The following SLC46A2 variants were observed in gnomAD, a reference collection of about 807,000 sequenced individuals.
SLC46A2 encodes solute carrier family 46 member 2, also known as thymic stromal co-transporter.
In SLC46A2, 25 loss-of-function variants were observed where a neutral mutation model predicts 33.1. The ratio of observed to expected loss-of-function variants is 0.76; its 90% CI spans 0.55 to 1.06. SLC46A2 has a LOEUF of 1.06. Among genes scored for constraint, SLC46A2 ranks in the 50% least tolerant of loss-of-function variants. The pLI is 0.00. For synonymous variants in SLC46A2, 254 were observed against 275.9 expected, an observed-to-expected ratio of 0.92 and a Z score of 0.79; for missense variants, 622 against 621.7, an observed-to-expected ratio of 1.00 and a Z score of 0.00.
intron 2 of SLC46A2, among the ~76,000 whole-genome samples, chr9:112,886,897 A>G (rs1564305323): frequency 6.6e-6 from 1 of 151,746 alleles, no homozygotes. Flanking sequence ...GCTAATTTTT[A>G]ATTTTTTTTG....
intron 1 of SLC46A2, 71 bp from the exon 2 acceptor site, chr9:112,887,484 C>G: frequency 7.2e-7 from 1 of 1,395,796 alleles, no homozygotes. Context: ...TATCAAAAGC[C>G]TCTCTTAGAA....
chr9:112,885,571 A>G (rs1056647401), intron 3 of SLC46A2: 2 of 152,004 alleles, frequency 1.3e-5, no homozygotes, highest in African/African-American at 4.8e-5. Context: ...GGGAACCTCA[A>G]CCCACATGTG....
intron 1 of SLC46A2, among the ~76,000 whole-genome samples, chr9:112,889,267 C>T (rs2131547862): frequency 6.6e-6 from 1 of 152,256 alleles, no homozygotes; most frequent in South Asian, 2.1e-4. Flanking sequence ...TGAAGGCCAT[C>T]CTGAAGCCTC....
Position 112,890,531 on chromosome 9 carries a change from C to T in SLC46A2, c.151G>A (p.Gly51Arg), listed in dbSNP as rs762735126. 9.3e-5 allele frequency: 150 copies of T among 1,613,894 alleles called. No homozygotes were observed. Among genetic ancestry groups the T allele is most frequent in the Non-Finnish European group, 1.2e-4 (143 of 1,180,020 alleles). ...LLVVKASYGTGGSSNHSASPS... is the reference protein window; with the variant it reads ...LLVVKASYGTRGSSNHSASPS... ...CTGGCACTGTGGTTGGAGGAGCCTCCGGTTCCGTAGGACGCCTTCACCACG... is the reference window on the plus strand; with the variant it reads ...CTGGCACTGTGGTTGGAGGAGCCTCTGGTTCCGTAGGACGCCTTCACCACG... Residue 51 changes from glycine (G) to arginine (R), a missense_variant, in exon 1 of 4, where the codon GGA becomes AGA. Coordinates refer to ENST00000374228, the MANE Select transcript of SLC46A2 (RefSeq NM_033051.4). The surrounding 1 kb of genome is among the most constrained non-coding windows in gnomAD (Gnocchi z 6.0).
Position 112,886,602 on chromosome 9 carries a change from T to C in SLC46A2, c.1228A>G (p.Ile410Val). The C allele has an allele frequency of 6.2e-7, 1 of 1,614,036 alleles. No homozygotes were observed. The highest frequency in any genetic ancestry group is 8.5e-7 in the Non-Finnish European group (1 of 1,179,930). ...KGSSYGKVFV[I>V]LQLSLALTGV... ...GTCAGAGCCAAGGACAGCTGCAGTA[T>C]GACGAACACCTTTCCTGTGGAAGGG... The change falls in exon 3 of 4, where the codon ATA (isoleucine) becomes GTA (valine). Residue 410 changes from isoleucine (I) to valine (V), a missense_variant. Coordinates refer to ENST00000374228, the MANE Select transcript of SLC46A2 (RefSeq NM_033051.4).
At chr9:112,885,142 T>TTAACATA (rs1297249901) in intron 3 of SLC46A2, 15 of 152,208 alleles carry the variant, frequency 9.9e-5, no homozygotes, top group African/African-American at 3.6e-4. Context: ...CTTCCTATCT[T>TTAACATA]ATTTTTCTCA....
chr9:112,887,207 C>G (rs1427448194), intron 2 of SLC46A2, 123 bp downstream of exon 2: 1 of 822,014 alleles, frequency 1.2e-6, no homozygotes, highest in Non-Finnish European at 1.9e-6. Context: ...ACCAGTGTTT[C>G]TAGTGTCTTC....
In SLC46A2 at chr9:112,889,804, TATATG is replaced by T. The variant is rs1428590755; in HGVS notation, c.873_877del (p.Ile292Ter). 2.0e-5 allele frequency: 33 copies of T among 1,614,048 alleles called. No individual in the cohort carries two copies. Among genetic ancestry groups the T allele is most frequent in the African/African-American group, 2.7e-5 (2 of 74,912 alleles). ...CACTGTGCCCACCACCGCCAGGTCA[TATATG>T]ATAGCACCCACAAAGAGCAAGGCAA... On this transcript the variant is annotated frameshift_variant, in exon 1 of 4. Coordinates refer to ENST00000374228, the MANE Select transcript of SLC46A2 (RefSeq NM_033051.4). LOFTEE classifies it high-confidence loss of function.
At chr9:112,882,176 T>C (rs1841585544) in intron 3 of SLC46A2, among the ~76,000 whole-genome samples, 1 of 152,204 alleles carries the variant, frequency 6.6e-6, no homozygotes, top group Non-Finnish European at 1.5e-5. Flanking sequence ...TCATGATCTT[T>C]GCTCATTGCA....
Position 112,887,384 on chromosome 9 carries a change from G to T in SLC46A2, c.1159C>A (p.Pro387Thr). Residue 387 changes from proline (P) to threonine (T), a missense_variant, in exon 2 of 4, where the codon CCC (proline) becomes ACC (threonine). By Grantham distance (38) the Pro-to-Thr change is conservative. Transcript: ENST00000374228. ...ATAGCTGATCGGATGGTTGTGACGG[G>T]GATGAGAGCAAACAGCATGACGGCT... ...ARAVMLFALI[P>T]VTTIRSAMSK... 6.2e-7 allele frequency: 1 copy of T among 1,611,540 alleles called. No individual in the cohort carries two copies. The highest frequency in any genetic ancestry group is 8.5e-7 in the Non-Finnish European group (1 of 1,178,952).
Position 112,889,728 on chromosome 9 carries a change from C to T in SLC46A2, c.954G>A (p.Val318=), listed in dbSNP as rs200558726. 67 of 1,614,146 alleles carry T rather than the reference C, an allele frequency of 4.2e-5. No individual in the cohort carries two copies. The highest frequency in any genetic ancestry group is 8.9e-5 in the East Asian group (4 of 44,872). ...VLREPLGWNQ[V]QVGYGMAAGY... The stretch of plus-strand genomic sequence containing the variant: ...CTGCAGCCATACCATAGCCCACCTG[C>T]ACTTGGTTCCAACCGAGAGGCTCCC... Residue 318 remains valine (V), a synonymous_variant, in exon 1 of 4, where the codon GTG becomes GTA. Coordinates refer to ENST00000374228, the MANE Select transcript of SLC46A2 (RefSeq NM_033051.4).
At position 112,879,323 on chromosome 9, in the gene SLC46A2, C is replaced by T; in HGVS notation, c.*439G>A. 6.3e-6 allele frequency: 1 copy of T among 158,804 alleles called. No individual in the cohort carries two copies. Among genetic ancestry groups the T allele is most frequent in the Non-Finnish European group, 1.4e-5 (1 of 72,572 alleles). The allele number at this position is 158,804 out of a possible 1,614,324, so 9.8% of individuals were successfully genotyped here. A position where few individuals can be genotyped will look rare whatever the true frequency, so the allele number is the denominator to read the frequency against. The stretch of plus-strand genomic sequence containing the variant: ...ACATTCCCCTCAGGCTGTGATAATG[C>T]ACGCTTTGAGTTCTCCCATGGGACT... On this transcript the variant is annotated 3_prime_UTR_variant, in exon 4 of 4. Coordinates refer to ENST00000374228, the MANE Select transcript of SLC46A2 (RefSeq NM_033051.4).
At position 112,886,554 on chromosome 9, in the gene SLC46A2, A is replaced by G. The variant is rs1285427101; in HGVS notation, c.1276T>C (p.Tyr426His). 8 of 1,614,080 alleles carry G rather than the reference A, an allele frequency of 5.0e-6. No individual in the cohort carries two copies. Among genetic ancestry groups the G allele is most frequent in the Non-Finnish European group, 6.8e-6 (8 of 1,180,044 alleles). ...ATGGTGAGCTGGTAGATCTTGTTGT[A>G]CAAGGTGGATGTCACCACGCCGGTC... ...ALTGVVTSTL[Y>H]NKIYQLTMDM... is the part of the protein sequence containing the mutation. Residue 426 changes from tyrosine (Y) to histidine (H), a missense_variant, in exon 3 of 4, where the codon TAC becomes CAC. Physicochemically the swap from Tyr to His is moderately conservative, Grantham distance 83. Coordinates refer to ENST00000374228, the MANE Select transcript of SLC46A2 (RefSeq NM_033051.4).
chr9:112,885,623 A>T (rs1841633239), intron 3 of SLC46A2: 1 of 152,164 alleles, frequency 6.6e-6, no homozygotes, highest in African/African-American at 2.4e-5. Context: ...ATCTAGATGT[A>T]CTGTAAGTGT....
intron 3 of SLC46A2, among the ~76,000 whole-genome samples, chr9:112,880,799 A>G (rs865984644): frequency 5.3e-4 from 80 of 152,130 alleles, no homozygotes; most frequent in African/African-American, 1.7e-3. Context: ...AAATTTTTTT[A>G]TCCATTTATG....
chr9:112,890,637 G>A lies in SLC46A2; in HGVS notation c.45C>T (p.Arg15=). The change falls in exon 1 of 4, where the codon CGC becomes CGT. Residue 15 remains arginine, a synonymous_variant. Coordinates refer to ENST00000374228, the MANE Select transcript of SLC46A2 (RefSeq NM_033051.4). The surrounding 1 kb of genome is among the most constrained non-coding windows in gnomAD (Gnocchi z 6.0). ...VTCPRRGHLP[R]FHPRTWVEPV... ...GCTCAACCCAGGTCCTCGGGTGGAA[G>A]CGAGGCAGGTGGCCCCTCCGCGGGC... The A allele has an allele frequency of 1.2e-6, 2 of 1,602,372 alleles. No individual in the cohort carries two copies. The highest frequency in any genetic ancestry group is 2.2e-5 in the South Asian group (2 of 91,020).
rs778157773 is a variant in SLC46A2 at position 112,879,775 on chromosome 9, A to G, written c.1415T>C (p.Ile472Thr). Residue 472 changes from isoleucine to threonine, a missense_variant, in exon 4 of 4, where the codon ATC becomes ACC. Physicochemically the swap from Ile to Thr is moderately conservative, Grantham distance 89 (BLOSUM62 -1). Coordinates refer to ENST00000374228, the MANE Select transcript of SLC46A2 (RefSeq NM_033051.4). ...AGGTAAGCATCTTCATTTCTCTATG[A>G]TGTCTCCATATGGTGACAATGGGAC... Reference protein sequence around the residue: ...KQVPLSPYGDIIEK With the variant: ...KQVPLSPYGDTIEK 4.0e-5 allele frequency: 64 copies of G among 1,612,422 alleles called. No homozygotes were observed. Among genetic ancestry groups the G allele is most frequent in the Middle Eastern group, 3.3e-4 (2 of 6,080 alleles).
chr9:112,879,555 G>A lies in SLC46A2; in HGVS notation c.*207C>T, dbSNP rs1295175588. 1 of 537,462 alleles carries A rather than the reference G, an allele frequency of 1.9e-6. No individual in the cohort carries two copies. The highest frequency in any genetic ancestry group is 3.0e-5 in the Admixed American group (1 of 33,032). The allele number at this position is 537,462 out of a possible 1,614,324, so 33.3% of individuals were successfully genotyped here. On this transcript the variant is annotated 3_prime_UTR_variant, in exon 4 of 4. Transcript: ENST00000374228. ...TGCCTAATGGGGGTGTCTTAAAGCT[G>A]AGAACGTTTTTCCATCACCAGGAAA...
In SLC46A2 at chr9:112,889,709, C is replaced by G; in HGVS notation, c.973G>C (p.Ala325Pro). 2 of 1,614,102 alleles carry G rather than the reference C, an allele frequency of 1.2e-6. No homozygotes were observed. The highest frequency in any genetic ancestry group is 1.7e-6 in the Non-Finnish European group (2 of 1,179,994). Residue 325 changes from alanine to proline, a missense_variant, in exon 1 of 4, where the codon GCT becomes CCT. By Grantham distance (27) the Ala-to-Pro change is conservative. Transcript: ENST00000374228. ...WNQVQVGYGM[A>P]AGYTIFITSF... ...GTGATGAAGATGGTGTACCCTGCAG[C>G]CATACCATAGCCCACCTGCACTTGG...
Sources: allele counts gnomAD v4.1 joint callset (sites outside exome capture counted in the v4.1 genomes callset), GRCh38; gene constraint gnomAD v4.1.1; non-coding constraint Gnocchi (gnomAD v3.1); transcripts MANE v1.5; gene names NCBI Gene and HGNC (gene_info 2026-07-23, HGNC 2026-07-21).